The following CDH12 variants were observed in gnomAD, a reference collection of about 807,000 sequenced individuals.
CDH12 encodes the protein cadherin 12, also known as cadherin-12.
Under a neutral mutation model 74.1 loss-of-function variants are expected in CDH12, and 41 were observed. That is an observed-to-expected ratio of 0.55 (90% confidence interval 0.43 to 0.72). The LOEUF (loss-of-function observed/expected upper bound fraction) is 0.72, where lower values mean the gene tolerates loss of function less well. CDH12 is among the 30% of genes least tolerant of loss of function. The pLI is 0.00. For synonymous variants in CDH12, 399 were observed against 355.0 expected (o/e 1.12, Z -1.39); for missense variants, 945 against 977.2 (o/e 0.97, Z 0.44).
At chr5:21,953,882 G>T (rs372853168) in intron 6 of CDH12, among the ~76,000 whole-genome samples, 2 of 152,030 alleles carry the variant, frequency 1.3e-5, no homozygotes, top group East Asian at 3.9e-4. Context: ...CAGAAAATTG[G>T]TTTCTCAGAG....
At chr5:22,131,145 T>C (rs1262099812) in intron 4 of CDH12, among the ~76,000 whole-genome samples, 4 of 152,148 alleles carry the variant, frequency 2.6e-5, no homozygotes, top group Admixed American at 2.6e-4. Flanking sequence ...AAAGCTGCTA[T>C]GAACATTCAT....
At chr5:22,181,297 T>C (rs1580366990) in intron 4 of CDH12, among the ~76,000 whole-genome samples, 5 of 152,154 alleles carry the variant, frequency 3.3e-5, no homozygotes. Context: ...CTAGAGATAC[T>C]TGATGACCCC....
chr5:22,552,958 A>G (rs534239153), intron 1 of CDH12, among the ~76,000 whole-genome samples: 52 of 152,234 alleles, frequency 3.4e-4, no homozygotes, highest in Middle Eastern at 3.4e-3. Flanking sequence ...ATTCTTTTCA[A>G]TATTTCTTAA....
chr5:22,558,469 T>C lies in CDH12; in HGVS notation c.-522-53105A>G, dbSNP rs142376985. Among the ~76,000 whole-genome samples, 380 of 152,206 alleles carry C rather than the reference T, an allele frequency of 2.5e-3. 3 individuals carry two copies. Among genetic ancestry groups the C allele is most frequent in the African/African-American group, 8.9e-3 (369 of 41,572 alleles). ...TTTTCTTCTAGAAGACTCCTAACAA[T>C]ATGACCAACTCCTTATCTGCCATAC... On this transcript the variant is annotated intron_variant, in intron 1 of 14. Coordinates refer to ENST00000382254, the MANE Select transcript of CDH12 (RefSeq NM_004061.5).
chr5:22,423,014 T>C lies in CDH12; in HGVS notation c.-427-17663A>G, dbSNP rs183422281. ...ACTGTTATTGACTATAGTCACCCAA[T>C]TGTGCTATCAAATACTAGAGGGTTG... On this transcript the variant is annotated intron_variant, in intron 2 of 14. Coordinates refer to ENST00000382254, the MANE Select transcript of CDH12 (RefSeq NM_004061.5). Among the ~76,000 whole-genome samples, 13 of 152,242 alleles carry C rather than the reference T, an allele frequency of 8.5e-5. No individual in the cohort carries two copies. The East Asian group carries it at 1.5e-3, about 18-fold the overall frequency.
intron 6 of CDH12, among the ~76,000 whole-genome samples, chr5:21,888,739 C>G (rs1752759172): frequency 6.6e-6 from 1 of 151,924 alleles, no homozygotes; most frequent in Non-Finnish European, 1.5e-5. Context: ...ACTATTTATA[C>G]TATATTGTAA....
intron 2 of CDH12, among the ~76,000 whole-genome samples, chr5:22,455,096 A>G (rs747842446): frequency 4.6e-5 from 7 of 152,212 alleles, no homozygotes; most frequent in Non-Finnish European, 8.8e-5. Context: ...TTTGGGAAAT[A>G]TAAATAAAAT....
At chr5:22,340,162 C>T (rs898237294) in intron 3 of CDH12, among the ~76,000 whole-genome samples, 1 of 152,120 alleles carries the variant, frequency 6.6e-6, no homozygotes. Context: ...CAGAAAAATG[C>T]TTTTTCCTTG....
At chr5:22,546,811 T>C (rs1046991780) in intron 1 of CDH12, among the ~76,000 whole-genome samples, 2 of 152,186 alleles carry the variant, frequency 1.3e-5, no homozygotes, top group African/African-American at 4.8e-5. Flanking sequence ...AGTATATTTA[T>C]TTTCTAGGGC....
chr5:21,897,302 A>G (rs977147315), intron 6 of CDH12, among the ~76,000 whole-genome samples: 1 of 152,218 alleles, frequency 6.6e-6, no homozygotes, highest in Non-Finnish European at 1.5e-5. Context: ...GACTGTGAGC[A>G]TCTAGAAAGC....
chr5:22,769,670 C>T (rs1036581933), intron 1 of CDH12, among the ~76,000 whole-genome samples: 3 of 152,098 alleles, frequency 2.0e-5, no homozygotes, highest in African/African-American at 7.2e-5. Context: ...CCCCCATCCT[C>T]CTATTAGTTC....
chr5:22,048,822 T>C (rs1369212967), intron 5 of CDH12, among the ~76,000 whole-genome samples: 1 of 151,786 alleles, frequency 6.6e-6, no homozygotes, highest in Non-Finnish European at 1.5e-5. Flanking sequence ...GCAGACAGAG[T>C]TAGTAATAAC....
chr5:22,136,475 A>G (rs1182491877), intron 4 of CDH12, among the ~76,000 whole-genome samples: 1 of 151,976 alleles, frequency 6.6e-6, no homozygotes, highest in Non-Finnish European at 1.5e-5. Context: ...AAATCATGCC[A>G]TCTCACAATA....
intron 1 of CDH12, among the ~76,000 whole-genome samples, chr5:22,761,772 T>C (rs1050169094): frequency 6.6e-6 from 1 of 152,180 alleles, no homozygotes; most frequent in African/African-American, 2.4e-5. Context: ...GTTAAATTTA[T>C]GATTAATCTT....
At chr5:21,764,532 C>G (rs1438161210) in intron 12 of CDH12, among the ~76,000 whole-genome samples, 1 of 150,940 alleles carries the variant, frequency 6.6e-6, no homozygotes, top group Non-Finnish European at 1.5e-5. Context: ...GCCTATAATC[C>G]CAGCTACTTG....
chr5:22,108,253 T>C (rs963148919), intron 4 of CDH12, among the ~76,000 whole-genome samples: 5 of 152,156 alleles, frequency 3.3e-5, no homozygotes, highest in African/African-American at 1.2e-4. Flanking sequence ...CGGGCTGCCA[T>C]GTAAGATGTC....
At chr5:21,886,702 T>G (rs1327733396) in intron 6 of CDH12, among the ~76,000 whole-genome samples, 4 of 151,378 alleles carry the variant, frequency 2.6e-5, no homozygotes, top group Non-Finnish European at 5.9e-5. Context: ...CTCTAATTAT[T>G]CCATTTTTCT....
At chr5:22,307,933 T>G (rs1325443354) in intron 3 of CDH12, among the ~76,000 whole-genome samples, 1 of 123,328 alleles carries the variant, frequency 8.1e-6, no homozygotes, top group Non-Finnish European at 1.6e-5. Context: ...CAGGCTGGAG[T>G]GCAGTGGCGC....
chr5:21,854,359 G>T (rs1364078771), intron 7 of CDH12, among the ~76,000 whole-genome samples: 2 of 151,592 alleles, frequency 1.3e-5, no homozygotes, highest in Non-Finnish European at 3.0e-5. Context: ...AATATGAAAT[G>T]AAAAGCTATT....
Sources: gnomAD v4.1 joint callset for allele counts (sites outside exome capture counted in the v4.1 genomes callset) on GRCh38, gnomAD v4.1.1 for gene constraint, MANE v1.5 for transcripts, NCBI Gene and HGNC (gene_info 2026-07-23, HGNC 2026-07-21) for gene names.